Variants in SDHAF3 observed in about 807,000 individuals in gnomAD.
SDHAF3 encodes the protein succinate dehydrogenase complex assembly factor 3.
A neutral mutation model predicts 11.5 loss-of-function variants in SDHAF3; 18 were observed. The ratio of observed to expected loss-of-function variants is 1.56; its 90% confidence interval spans 1.08 to 2.32. SDHAF3 has a LOEUF of 2.32. Among genes scored for constraint, SDHAF3 ranks in the 30% most tolerant of loss-of-function variants. The pLI is 0.00. For synonymous variants in SDHAF3, 72 were observed against 59.3 expected (o/e 1.21, Z -0.99); for missense variants, 200 against 154.4 (o/e 1.30, Z -1.57).
At chr7:97,126,953 T>C (rs1379179379) in intron 1 of SDHAF3, among the ~76,000 whole-genome samples, 1 of 151,858 alleles carries the variant, frequency 6.6e-6, no homozygotes. Context: ...CGAGGGAATC[T>C]CCTGGTCTTC....
chr7:97,143,420 G>C (rs779495684), intron 1 of SDHAF3, among the ~76,000 whole-genome samples: 43 of 151,902 alleles, frequency 2.8e-4, no homozygotes, highest in Non-Finnish European at 5.3e-4. Flanking sequence ...AGTATACACT[G>C]CACCATATTT....
At chr7:97,124,590 A>G (rs1791546836) in intron 1 of SDHAF3, among the ~76,000 whole-genome samples, 1 of 152,142 alleles carries the variant, frequency 6.6e-6, no homozygotes, top group Admixed American at 6.6e-5. Context: ...TTTGAGCAGT[A>G]TGGCCATTTT....
Position 97,126,339 on chromosome 7 carries a change from G to T in SDHAF3, c.174+8442G>T, listed in dbSNP as rs551014771. 1.6e-4 allele frequency among the ~76,000 whole-genome samples: 25 copies of T among 152,366 alleles called. No individual in the cohort carries two copies. The East Asian group carries it at 4.4e-3, about 27-fold the overall frequency. On this transcript the variant is annotated intron_variant, in intron 1 of 1. Coordinates refer to ENST00000432641, the MANE Select transcript of SDHAF3 (RefSeq NM_020186.3). ...GGAGCTCAAGCACCGTCCTGCGAAAGCCCTCCTTGTCAGCATCCGCTGCTC... is the reference window on the plus strand; with the variant it reads ...GGAGCTCAAGCACCGTCCTGCGAAATCCCTCCTTGTCAGCATCCGCTGCTC...
intron 1 of SDHAF3, among the ~76,000 whole-genome samples, chr7:97,139,451 A>G (rs539398424): frequency 2.0e-5 from 3 of 152,324 alleles, no homozygotes; most frequent in Admixed American, 6.5e-5. Context: ...TAGGCATGAC[A>G]GTGTAAAAAA....
intron 1 of SDHAF3, among the ~76,000 whole-genome samples, chr7:97,164,624 C>G (rs1229701678): frequency 6.6e-6 from 1 of 152,054 alleles, no homozygotes; most frequent in Non-Finnish European, 1.5e-5. Context: ...ATCCACCCCT[C>G]TCGGCCTCCC....
intron 1 of SDHAF3, among the ~76,000 whole-genome samples, chr7:97,127,285 T>A (rs957395572): frequency 1.3e-5 from 2 of 152,230 alleles, no homozygotes; most frequent in African/African-American, 4.8e-5. Context: ...TTTCTTTTTC[T>A]TCTCTTCAAG....
At chr7:97,168,217 C>G (rs1789544183) in intron 1 of SDHAF3, among the ~76,000 whole-genome samples, 1 of 152,152 alleles carries the variant, frequency 6.6e-6, no homozygotes, top group Admixed American at 6.5e-5. Context: ...TTGGATTTAG[C>G]TGAACTAAGC....
intron 1 of SDHAF3, among the ~76,000 whole-genome samples, chr7:97,143,498 T>G (rs1056121843): frequency 1.3e-5 from 2 of 152,190 alleles, no homozygotes; most frequent in African/African-American, 4.8e-5. Context: ...TGTATCATTC[T>G]TATAGCCTTT....
Position 97,136,408 on chromosome 7 carries a change from T to G in SDHAF3, c.174+18511T>G, listed in dbSNP as rs1791770716. 4.2e-5 allele frequency: 27 copies of G among 644,118 alleles called. No homozygotes were observed. The East Asian group carries it at 7.4e-4, about 18-fold the overall frequency. 39.9% of individuals were successfully genotyped at this position (644,118 alleles called of 1,614,324 possible). A position where few individuals can be genotyped will look rare whatever the true frequency, so the allele number is the denominator to read the frequency against. On this transcript the variant is annotated intron_variant, in intron 1 of 1. Coordinates refer to ENST00000432641, the MANE Select transcript of SDHAF3 (RefSeq NM_020186.3). The stretch of plus-strand genomic sequence containing the variant: ...AATAGGGTATGTCCAGAAATCTTGA[T>G]GCATGTATCTGAAAAGAAAATTTCT...
chr7:97,167,215 G>A (rs541035148), intron 1 of SDHAF3, among the ~76,000 whole-genome samples: 2 of 152,006 alleles, frequency 1.3e-5, no homozygotes, highest in African/African-American at 4.8e-5. Context: ...TTTCCCCCTT[G>A]CTGTTCTCAC....
intron 1 of SDHAF3, among the ~76,000 whole-genome samples, chr7:97,134,827 T>G (rs1791724913): frequency 6.6e-6 from 1 of 152,220 alleles, no homozygotes; most frequent in Non-Finnish European, 1.5e-5. Flanking sequence ...CACCCCTGAC[T>G]GTTTAATGCA....
In SDHAF3 at chr7:97,181,412, TG is replaced by T; in HGVS notation, c.*198del. The T allele has an allele frequency of 2.2e-6, 1 of 464,420 alleles. No individual in the cohort carries two copies. The highest frequency in any genetic ancestry group is 3.9e-5 in the South Asian group (1 of 25,478). The allele number at this position is 464,420 out of a possible 1,614,324, so 28.8% of individuals were successfully genotyped here. ...AAAAAACTATTGGAATAATAGCACT[TG>T]TATGAAATTCAGTTTTGGAACTAAA... On this transcript the variant is annotated 3_prime_UTR_variant, in exon 2 of 2. Coordinates refer to ENST00000432641, the MANE Select transcript of SDHAF3 (RefSeq NM_020186.3).
chr7:97,122,119 A>G (rs1235419073), intron 1 of SDHAF3, among the ~76,000 whole-genome samples: 1 of 152,024 alleles, frequency 6.6e-6, no homozygotes, highest in Non-Finnish European at 1.5e-5. Flanking sequence ...GGCCTCCCAA[A>G]TGCTGGGATT....
At chr7:97,160,011 T>C (rs369856821) in intron 1 of SDHAF3, among the ~76,000 whole-genome samples, 1 of 152,208 alleles carries the variant, frequency 6.6e-6, no homozygotes, top group East Asian at 1.9e-4. Context: ...AAGGATTTGT[T>C]AACAATAGGC....
chr7:97,180,351 T>G (rs1789750652), intron 1 of SDHAF3, among the ~76,000 whole-genome samples: 1 of 152,172 alleles, frequency 6.6e-6, no homozygotes, highest in Non-Finnish European at 1.5e-5. Context: ...GCCATGATCC[T>G]AGGCAAATTA....
intron 1 of SDHAF3, among the ~76,000 whole-genome samples, chr7:97,118,549 CTT>C (rs34297923): frequency 0.11 from 15,991 of 141,614 alleles, 1,780 homozygotes; most frequent in East Asian, 0.3. Context: ...AGTCGTTTGA[CTT>C]TTTTTTTTTT....
At chr7:97,161,181 C>T (rs1302501540) in intron 1 of SDHAF3, among the ~76,000 whole-genome samples, 1 of 152,122 alleles carries the variant, frequency 6.6e-6, no homozygotes, top group African/African-American at 2.4e-5. Context: ...TTTTGCCTGT[C>T]TGTAGGCTAA....
chr7:97,150,554 T>A lies in SDHAF3; in HGVS notation c.175-30458T>A, dbSNP rs868378620. On this transcript the variant is annotated intron_variant, in intron 1 of 1. Coordinates refer to ENST00000432641, the MANE Select transcript of SDHAF3 (RefSeq NM_020186.3). ...GAGCAGTAATATTTTGAAAGGAATC[T>A]TTTTTTCCTTTTTTTTTTTTTTTTT... is the stretch of plus-strand genomic sequence containing the variant. Among the ~76,000 whole-genome samples the A allele has an allele frequency of 1.1e-3, 147 of 136,552 alleles. 1 individual carries two copies. Among genetic ancestry groups the A allele is most frequent in the African/African-American group, 3.3e-3 (124 of 37,058 alleles). The allele number at this position is 136,552 out of a possible 152,430, so 89.6% of individuals were successfully genotyped here. A position where few individuals can be genotyped will look rare whatever the true frequency, so the allele number is the denominator to read the frequency against.
intron 1 of SDHAF3, among the ~76,000 whole-genome samples, chr7:97,137,348 A>G (rs1788942278): frequency 6.6e-6 from 1 of 152,204 alleles, no homozygotes; most frequent in Admixed American, 6.5e-5. Context: ...CAGGCCAGCT[A>G]TATTTGTCCA....
Sources: allele counts gnomAD v4.1 joint callset (sites outside exome capture counted in the v4.1 genomes callset), GRCh38; gene constraint gnomAD v4.1.1; transcripts MANE v1.5; gene names NCBI Gene and HGNC (gene_info 2026-07-23, HGNC 2026-07-21).